Variants in UBE4B observed in about 807,000 individuals in gnomAD.
UBE4B encodes ubiquitin conjugation factor E4 B.
Under a neutral mutation model 148.1 loss-of-function variants are expected in UBE4B, and 27 were observed. That is an observed-to-expected ratio of 0.18 (90% CI 0.13 to 0.25). The LOEUF is 0.25. UBE4B is among the 10% of genes least tolerant of loss of function. The probability of loss-of-function intolerance (pLI) is 1.00; values close to 1 mark genes in which losing one functional copy is unlikely to be tolerated. For missense variants in UBE4B, 1,170 were observed against 1,662.4 expected (o/e 0.70, Z 5.15); for synonymous variants, 596 against 619.3 (o/e 0.96, Z 0.56).
At chr1:10,083,455 G>A (rs543244928) in intron 2 of UBE4B, among the ~76,000 whole-genome samples, 17 of 152,330 alleles carry the variant, frequency 1.1e-4, no homozygotes, top group South Asian at 6.2e-4. Flanking sequence ...ATGTCAACAA[G>A]ATCAAAGCCA....
At position 10,095,500 on chromosome 1, in the gene UBE4B, C is replaced by T. The variant is rs1230958597; in HGVS notation, c.251C>T (p.Ser84Phe). 2 of 1,614,062 alleles carry T rather than the reference C, an allele frequency of 1.2e-6. No homozygotes were observed. Among genetic ancestry groups the T allele is most frequent in the Non-Finnish European group, 1.7e-6 (2 of 1,180,058 alleles). The change falls in exon 3 of 28, where the codon TCT (serine) becomes TTT (phenylalanine). Residue 84 changes from serine (S) to phenylalanine (F), a missense_variant. Coordinates refer to ENST00000343090, the MANE Select transcript of UBE4B (RefSeq NM_001105562.3). ...AGCCAGAGCAGTGAAGGAGTCAGTT[C>T]TCTCAGCAGCTCGCCCTCTAATAGC... is the stretch of plus-strand genomic sequence containing the variant. The part of the protein sequence containing the change: ...HRSQSSEGVS[S>F]LSSSPSNSLE...
chr1:10,112,531 C>G (rs1645238848), intron 7 of UBE4B, among the ~76,000 whole-genome samples: 1 of 152,154 alleles, frequency 6.6e-6, no homozygotes, highest in Admixed American at 6.5e-5. Context: ...TCCCAGGTAG[C>G]TGGGATTACA....
intron 1 of UBE4B, among the ~76,000 whole-genome samples, chr1:10,043,718 G>A (rs1035567856): frequency 1.3e-5 from 2 of 152,152 alleles, no homozygotes; most frequent in Non-Finnish European, 2.9e-5. Flanking sequence ...GTGATCCAAC[G>A]CGCTGGGCCG....
intron 22 of UBE4B, among the ~76,000 whole-genome samples, chr1:10,159,888 T>C (rs1646133479): frequency 6.6e-6 from 1 of 152,224 alleles, no homozygotes; most frequent in Non-Finnish European, 1.5e-5. Flanking sequence ...ACTGCTCTTA[T>C]GGTCAGAATT....
rs1333033161 is a variant in UBE4B at position 10,103,030 on chromosome 1, G to A, written c.518G>A (p.Arg173Gln). Reference sequence around the variant, plus strand: ...ATCTTCCGTGTCTCTTGGAAGGACCGGGACAGAGATGTCATCTTTCTTTCT... The same window carrying A: ...ATCTTCCGTGTCTCTTGGAAGGACCAGGACAGAGATGTCATCTTTCTTTCT... ...CKIFRVSWKD[R>Q]DRDVIFLSSL... Residue 173 changes from arginine (R) to glutamine (Q), a missense_variant, in exon 5 of 28, where the codon CGG (arginine) becomes CAG (glutamine). This residue lies in a region of UBE4B where 91 missense variants were observed against 120.5 expected (regional missense o/e 0.76). Transcript: ENST00000343090. The A allele has an allele frequency of 5.0e-6, 8 of 1,613,244 alleles. No homozygotes were observed. Among genetic ancestry groups the A allele is most frequent in the East Asian group, 4.5e-5 (2 of 44,894 alleles).
rs139384893 is a variant in UBE4B, at chr1:10,044,731, G to A, written c.24+11037G>A. Among the ~76,000 whole-genome samples the A allele has an allele frequency of 4.6e-3, 706 of 152,120 alleles. 3 individuals carry two copies. The highest frequency in any genetic ancestry group is 0.01 in the Middle Eastern group (3 of 294). ...TGAGTACTTGGGACCATAGGCGCAC[G>A]CCATCATGCCCGGCTAATTTTTTGT... On this transcript the variant is annotated intron_variant, in intron 1 of 27. Coordinates refer to ENST00000343090, the MANE Select transcript of UBE4B (RefSeq NM_001105562.3).
intron 25 of UBE4B, among the ~76,000 whole-genome samples, 172 bp downstream of exon 25, chr1:10,171,501 T>A (rs1557616112): frequency 6.6e-6 from 1 of 152,210 alleles, no homozygotes; most frequent in Non-Finnish European, 1.5e-5. Flanking sequence ...ATCCCAACAT[T>A]CTGGGAGGCC....
intron 21 of UBE4B, among the ~76,000 whole-genome samples, chr1:10,155,604 C>A (rs1208140025): frequency 6.6e-6 from 1 of 152,188 alleles, no homozygotes; most frequent in Non-Finnish European, 1.5e-5. Context: ...GAAGACCTGG[C>A]TGATTAGGTC....
chr1:10,121,977 G>C lies in UBE4B; in HGVS notation c.1455G>C (p.Pro485=). The change falls in exon 10 of 28, where the codon CCG becomes CCC. Residue 485 remains proline, a synonymous_variant. Coordinates refer to ENST00000343090, the MANE Select transcript of UBE4B (RefSeq NM_001105562.3). ...SLTQPRSLQQ[P]SFLVPYMLCR... ...GGGTCCACAGGTCCTTGCAGCAGCCGTCCTTCCTAGTGCCGTATATGCTGT... is the reference window on the plus strand; with the variant it reads ...GGGTCCACAGGTCCTTGCAGCAGCCCTCCTTCCTAGTGCCGTATATGCTGT... 1 of 1,612,412 alleles carries C rather than the reference G, an allele frequency of 6.2e-7. No individual in the cohort carries two copies. The highest frequency in any genetic ancestry group is 8.5e-7 in the Non-Finnish European group (1 of 1,179,056).
intron 3 of UBE4B, among the ~76,000 whole-genome samples, chr1:10,096,430 C>A (rs1230980520): frequency 6.6e-6 from 1 of 152,044 alleles, no homozygotes; most frequent in Non-Finnish European, 1.5e-5. Flanking sequence ...GTGGGCTAAA[C>A]AGATGAAGAG....
Position 10,147,061 on chromosome 1 carries a change from G to T in UBE4B, c.2562G>T (p.Leu854=), listed in dbSNP as rs376342854. 1.1e-5 allele frequency: 17 copies of T among 1,614,048 alleles called. No individual in the cohort carries two copies. Among genetic ancestry groups the T allele is most frequent in the African/African-American group, 2.7e-5 (2 of 74,922 alleles). ...TTTATGGCCTTCTCATTCAGCTGCT[G>T]CTCCGCATCCTGGACCCCGCATATC... ...LNFYGLLIQL[L]LRILDPAYPD... is the part of the protein sequence containing the mutation. Residue 854 remains leucine, a synonymous_variant, in exon 19 of 28, where the codon CTG becomes CTT. Transcript: ENST00000343090.
chr1:10,120,713 C>T (rs1645396206), intron 9 of UBE4B, among the ~76,000 whole-genome samples: 1 of 151,738 alleles, frequency 6.6e-6, no homozygotes, highest in Admixed American at 6.6e-5. Context: ...TGGCACGCAC[C>T]TGTAATCCCA....
chr1:10,129,047 T>A (rs910285900), intron 11 of UBE4B: 3 of 196,930 alleles, frequency 1.5e-5, no homozygotes, highest in Non-Finnish European at 3.1e-5. Context: ...TGGAAAGATA[T>A]GAAGTGGAAA....
intron 3 of UBE4B, among the ~76,000 whole-genome samples, chr1:10,100,373 G>A (rs1413751771): frequency 1.3e-5 from 2 of 152,002 alleles, no homozygotes; most frequent in Non-Finnish European, 2.9e-5. Context: ...CTGGGATACA[G>A]TGGTTATTCA....
intron 2 of UBE4B, among the ~76,000 whole-genome samples, chr1:10,078,825 G>A (rs1242707523): frequency 2.0e-5 from 3 of 152,014 alleles, no homozygotes; most frequent in African/African-American, 7.2e-5. Context: ...CTCTAGAGCT[G>A]GCAGGTTTCA....
intron 1 of UBE4B, among the ~76,000 whole-genome samples, chr1:10,034,896 G>A (rs548635584): frequency 1.3e-5 from 2 of 152,126 alleles, no homozygotes; most frequent in African/African-American, 4.8e-5. Flanking sequence ...TGTTTTTTTC[G>A]AATACAGCAG....
chr1:10,109,678 T>G (rs1300656134), intron 7 of UBE4B, among the ~76,000 whole-genome samples: 1 of 150,620 alleles, frequency 6.6e-6, no homozygotes, highest in Non-Finnish European at 1.5e-5. Flanking sequence ...TGAGACGGAG[T>G]CTTGCTTTGT....
chr1:10,164,026 CTTA>C (rs915430871), intron 23 of UBE4B, among the ~76,000 whole-genome samples: 2 of 151,512 alleles, frequency 1.3e-5, no homozygotes, highest in African/African-American at 4.8e-5. Context: ...CATGCCCAGC[CTTA>C]TTATTATTTT....
chr1:10,117,428 G>C, intron 7 of UBE4B, 31 bp from the exon 8 acceptor site: 3 of 1,606,200 alleles, frequency 1.9e-6, no homozygotes, highest in Non-Finnish European at 1.7e-6. Flanking sequence ...CAAGAGATAA[G>C]AATCAGAATT....
Sources: gnomAD v4.1 joint callset for allele counts (sites outside exome capture counted in the v4.1 genomes callset) on GRCh38, gnomAD v4.1.1 for gene constraint, gnomAD v4.1.1 regional missense constraint, MANE v1.5 for transcripts, NCBI Gene and HGNC (gene_info 2026-07-23, HGNC 2026-07-21) for gene names.